Variants in EEIG2 observed in about 807,000 individuals in gnomAD.
EEIG2 encodes the protein family with sequence similarity 102 member B.
At chr1:108,625,774 C>CTCTGTGTGTGTGTGTGTG in the EEIG2 span, 1 of 23,220 alleles carries the variant, frequency 4.3e-5, no homozygotes, top group African/African-American at 6.5e-5. Context: ...CTCTCTCTCT[C>CTCTGTGTGTGTGTGTGTG]TGTGTGTGTG....
chr1:108,600,573 G>A, the EEIG2 span: 2 of 1,610,672 alleles, frequency 1.2e-6, no homozygotes, highest in South Asian at 1.1e-5. Flanking sequence ...CAGGGAGGTG[G>A]TACAAGCAAA....
the EEIG2 span, among the ~76,000 whole-genome samples, chr1:108,619,586 T>C: frequency 6.6e-6 from 1 of 152,220 alleles, no homozygotes; most frequent in South Asian, 2.1e-4. Flanking sequence ...TACAAAATCC[T>C]TTGCTCAAAT....
At chr1:108,617,689 CACCCCAGCGTGTTAGAGGTCGGGGAG>C in the EEIG2 span, among the ~76,000 whole-genome samples, 2 of 152,164 alleles carry the variant, frequency 1.3e-5, no homozygotes, top group Non-Finnish European at 2.9e-5. Context: ...GAGGTGGGGA[CACCCCAGCGTGTTAGAGGTCGGGGAG>C]ATTGGGAAGA....
chr1:108,562,229 G>C, the EEIG2 span, among the ~76,000 whole-genome samples: 1 of 152,114 alleles, frequency 6.6e-6, no homozygotes, highest in Non-Finnish European at 1.5e-5. Flanking sequence ...CTTCAAACAG[G>C]GTGGTGCCAG....
chr1:108,635,204 G>A, the EEIG2 span: 1 of 1,598,556 alleles, frequency 6.3e-7, no homozygotes. Context: ...AGTAGTTGAT[G>A]TATCAAGGCA....
chr1:108,634,268 TC>T, the EEIG2 span, among the ~76,000 whole-genome samples: 4 of 152,216 alleles, frequency 2.6e-5, no homozygotes, highest in South Asian at 8.3e-4. Context: ...TTGAGGAAGT[TC>T]CTATTTCTTC....
At chr1:108,609,971 C>T in the EEIG2 span, among the ~76,000 whole-genome samples, 2 of 152,158 alleles carry the variant, frequency 1.3e-5, no homozygotes, top group African/African-American at 4.8e-5. Context: ...AATACCTAGG[C>T]GATGGGTTGA....
At chr1:108,637,537 T>C in the EEIG2 span, 1 of 152,134 alleles carries the variant, frequency 6.6e-6, no homozygotes, top group Non-Finnish European at 1.5e-5. Flanking sequence ...ATGTTTTGAG[T>C]TTAGAAAATT....
chr1:108,615,628 G>GAAAAA, the EEIG2 span, among the ~76,000 whole-genome samples: 2 of 151,126 alleles, frequency 1.3e-5, no homozygotes, highest in East Asian at 1.9e-4. Context: ...AAAAGAAAAA[G>GAAAAA]GAAAGAATTA....
chr1:108,570,221 G>A, the EEIG2 span, among the ~76,000 whole-genome samples: 3 of 152,138 alleles, frequency 2.0e-5, no homozygotes, highest in Non-Finnish European at 4.4e-5. Flanking sequence ...AAGTCTAGCT[G>A]GAGGAGAAAA....
the EEIG2 span, among the ~76,000 whole-genome samples, chr1:108,617,235 T>C: frequency 3.9e-5 from 6 of 152,144 alleles, no homozygotes; most frequent in Non-Finnish European, 8.8e-5. Flanking sequence ...CTGAGTGAGA[T>C]AGAAAAGCTA....
chr1:108,624,712 G>A, the EEIG2 span: 3 of 1,614,072 alleles, frequency 1.9e-6, no homozygotes, highest in Middle Eastern at 4.9e-4. Flanking sequence ...AGATAGAAAA[G>A]GTGGAGAGAC....
the EEIG2 span, among the ~76,000 whole-genome samples, chr1:108,591,290 G>T: frequency 6.6e-6 from 1 of 152,190 alleles, no homozygotes; most frequent in Non-Finnish European, 1.5e-5. Context: ...TCTGATAGCT[G>T]TGTGTGTGCG....
the EEIG2 span, chr1:108,626,658 C>G: frequency 6.6e-6 from 1 of 152,180 alleles, no homozygotes; most frequent in South Asian, 2.1e-4. Context: ...CATGTCACAC[C>G]CTTTCTTAAA....
the EEIG2 span, among the ~76,000 whole-genome samples, chr1:108,605,096 G>T: frequency 7.9e-5 from 12 of 152,040 alleles, no homozygotes; most frequent in South Asian, 2.5e-3. Context: ...GGGAAAATAA[G>T]GATGAAACCC....
the EEIG2 span, among the ~76,000 whole-genome samples, chr1:108,597,877 A>C: frequency 6.6e-6 from 1 of 152,212 alleles, no homozygotes; most frequent in African/African-American, 2.4e-5. Flanking sequence ...ATCATATATC[A>C]GTGGTCTCAG....
the EEIG2 span, among the ~76,000 whole-genome samples, chr1:108,561,157 T>C: frequency 2.6e-5 from 4 of 152,222 alleles, no homozygotes; most frequent in Non-Finnish European, 4.4e-5. Flanking sequence ...GTAGGTCTCC[T>C]TGTGGGAGGG....
the EEIG2 span, among the ~76,000 whole-genome samples, chr1:108,597,027 A>G: frequency 6.6e-6 from 1 of 152,112 alleles, no homozygotes; most frequent in Non-Finnish European, 1.5e-5. Flanking sequence ...GCAACCAGCC[A>G]AGTTAGTTTT....
chr1:108,613,797 G>A, the EEIG2 span, among the ~76,000 whole-genome samples: 5 of 151,898 alleles, frequency 3.3e-5, no homozygotes, highest in African/African-American at 9.7e-5. Flanking sequence ...CTGTGCAGAC[G>A]AGCTAGCCTT....
Sources: allele counts gnomAD v4.1 joint callset (sites outside exome capture counted in the v4.1 genomes callset), GRCh38; gene constraint gnomAD v4.1.1; transcripts MANE v1.5; gene names NCBI Gene and HGNC (gene_info 2026-07-23, HGNC 2026-07-21).